The following CDH18 variants were observed in gnomAD, a reference collection of about 807,000 sequenced individuals.
The protein encoded by CDH18 is cadherin 18.
CDH18 carries 31 observed loss-of-function variants against 67.9 expected under a neutral mutation model. The observed-to-expected ratio is 0.46, with a 90% CI of 0.34 to 0.62. The LOEUF (loss-of-function observed/expected upper bound fraction) is 0.62. Ranked by LOEUF, CDH18 falls within the 20% of genes least tolerant of loss-of-function variation. The probability of loss-of-function intolerance (pLI) is 0.01; values close to 1 mark genes in which losing one functional copy is unlikely to be tolerated. For missense variants in CDH18, 890 were observed against 975.5 expected, an observed-to-expected ratio of 0.91 and a Z score of 1.17; for synonymous variants, 362 against 347.2, an observed-to-expected ratio of 1.04 and a Z score of -0.48.
intron 5 of CDH18, among the ~76,000 whole-genome samples, chr5:19,665,172 A>C (rs13160543): frequency 1.2e-4 from 18 of 151,278 alleles, no homozygotes; most frequent in African/African-American, 4.1e-4. Context: ...AACATTATGA[A>C]GTGTGAAATA....
intron 2 of CDH18, among the ~76,000 whole-genome samples, chr5:20,246,154 G>A (rs1384804975): frequency 6.6e-6 from 1 of 152,128 alleles, no homozygotes; most frequent in Admixed American, 6.6e-5. Context: ...TTGTCTTTGA[G>A]TTAATTATAT....
chr5:20,261,134 CTTAG>C (rs996042693), intron 1 of CDH18, among the ~76,000 whole-genome samples: 2 of 152,118 alleles, frequency 1.3e-5, no homozygotes, highest in Non-Finnish European at 2.9e-5. Flanking sequence ...TAACATTTTG[CTTAG>C]TTAAATATAA....
intron 2 of CDH18, among the ~76,000 whole-genome samples, chr5:20,178,748 G>A (rs1419179972): frequency 6.6e-6 from 1 of 152,012 alleles, no homozygotes; most frequent in African/African-American, 2.4e-5. Context: ...GCATTTCCAT[G>A]TAGATTTGAG....
At chr5:20,039,532 A>C (rs781292131) in intron 2 of CDH18, among the ~76,000 whole-genome samples, 3 of 152,158 alleles carry the variant, frequency 2.0e-5, no homozygotes, top group Non-Finnish European at 4.4e-5. Flanking sequence ...GAGGCCTCAG[A>C]AATAATGCCA....
intron 2 of CDH18, among the ~76,000 whole-genome samples, chr5:20,048,061 AT>A (rs1741064359): frequency 6.6e-6 from 1 of 151,536 alleles, no homozygotes; most frequent in Admixed American, 6.6e-5. Context: ...ATTCCACATA[AT>A]TTTCCTGTTT....
At chr5:19,731,204 C>T (rs950453093) in intron 4 of CDH18, among the ~76,000 whole-genome samples, 10 of 152,152 alleles carry the variant, frequency 6.6e-5, no homozygotes, top group African/African-American at 2.2e-4. Flanking sequence ...AATCCCAGCA[C>T]TTTGGGAGGC....
At chr5:20,215,270 A>G (rs1485105211) in intron 2 of CDH18, among the ~76,000 whole-genome samples, 1 of 151,966 alleles carries the variant, frequency 6.6e-6, no homozygotes, top group East Asian at 1.9e-4. Context: ...GAGCAATAAA[A>G]TGAATAAGGT....
chr5:20,454,553 T>C (rs1750697074), intron 1 of CDH18, among the ~76,000 whole-genome samples: 2 of 152,074 alleles, frequency 1.3e-5, no homozygotes, highest in Non-Finnish European at 2.9e-5. Context: ...AGAATGAGAA[T>C]AGAGAGGAAT....
At chr5:20,458,125 T>C (rs1419061701) in intron 1 of CDH18, among the ~76,000 whole-genome samples, 1 of 152,186 alleles carries the variant, frequency 6.6e-6, no homozygotes, top group Non-Finnish European at 1.5e-5. Flanking sequence ...TTTATTTGTT[T>C]GTTTGTTTTT....
intron 11 of CDH18, among the ~76,000 whole-genome samples, chr5:19,490,892 T>C (rs1289176154): frequency 6.6e-6 from 1 of 152,108 alleles, no homozygotes; most frequent in Non-Finnish European, 1.5e-5. Context: ...GTTTCTATGT[T>C]TTACATATAT....
chr5:20,097,676 T>A (rs1468573863), intron 2 of CDH18, among the ~76,000 whole-genome samples: 2 of 152,176 alleles, frequency 1.3e-5, no homozygotes, highest in Non-Finnish European at 2.9e-5. Context: ...GTGATTAAAT[T>A]GTCATTTGCC....
intron 11 of CDH18, among the ~76,000 whole-genome samples, chr5:19,501,244 T>C (rs571943406): frequency 6.7e-6 from 1 of 148,258 alleles, no homozygotes; most frequent in African/African-American, 2.4e-5. Context: ...ATTATATATA[T>C]ATAATTTTAA....
chr5:20,290,830 A>G (rs555942709), intron 1 of CDH18, among the ~76,000 whole-genome samples: 1 of 152,106 alleles, frequency 6.6e-6, no homozygotes, highest in East Asian at 1.9e-4. Context: ...GGTCCAGAAC[A>G]TTGTGGCATG....
chr5:20,367,408 G>A (rs1340412737), intron 1 of CDH18, among the ~76,000 whole-genome samples: 3 of 152,100 alleles, frequency 2.0e-5, no homozygotes, highest in Non-Finnish European at 2.9e-5. Context: ...GCCAGATCAC[G>A]TACCTGTGCC....
chr5:20,489,867 T>A (rs1001036739), intron 1 of CDH18, among the ~76,000 whole-genome samples: 1 of 151,798 alleles, frequency 6.6e-6, no homozygotes, highest in African/African-American at 2.4e-5. Context: ...TTTTAATGCT[T>A]ATATGGTTCA....
At chr5:19,826,563 G>A (rs1780422650) in intron 3 of CDH18, among the ~76,000 whole-genome samples, 1 of 152,140 alleles carries the variant, frequency 6.6e-6, no homozygotes. Flanking sequence ...AAGTGACTAG[G>A]GGACTATATT....
chr5:19,484,745 A>C (rs749996277), intron 11 of CDH18, among the ~76,000 whole-genome samples: 7 of 152,200 alleles, frequency 4.6e-5, no homozygotes, highest in African/African-American at 7.2e-5. Flanking sequence ...TTAAGAGTGA[A>C]TGTCAGCTCC....
At chr5:20,495,776 G>A (rs1753870139) in intron 1 of CDH18, among the ~76,000 whole-genome samples, 1 of 151,816 alleles carries the variant, frequency 6.6e-6, no homozygotes, top group Non-Finnish European at 1.5e-5. Context: ...AGACAGATTA[G>A]ATTTAAATAT....
chr5:19,531,555 G>T (rs1438725434), intron 9 of CDH18, among the ~76,000 whole-genome samples: 5 of 151,842 alleles, frequency 3.3e-5, no homozygotes, highest in African/African-American at 1.2e-4. Context: ...ATGGTATTTT[G>T]TTTGACAATC....
Sources: allele counts gnomAD v4.1 joint callset (sites outside exome capture counted in the v4.1 genomes callset), GRCh38; gene constraint gnomAD v4.1.1; transcripts MANE v1.5; gene names NCBI Gene and HGNC (gene_info 2026-07-23, HGNC 2026-07-21).